DOK6: variants seen among roughly 807,000 people sequenced by gnomAD.
DOK6 encodes the protein docking protein 6.
DOK6 carries 22 observed loss-of-function variants against 44.0 expected under a neutral mutation model. That is an observed-to-expected ratio of 0.50 (90% CI 0.36 to 0.71). DOK6 has a LOEUF of 0.71. Ranked by LOEUF, DOK6 falls within the 30% of genes least tolerant of loss-of-function variation. DOK6 has a pLI of 0.00. For missense variants in DOK6, 340 were observed against 416.4 expected, an observed-to-expected ratio of 0.82 and a Z score of 1.60; for synonymous variants, 166 against 145.5, an observed-to-expected ratio of 1.14 and a Z score of -1.01.
chr18:69,668,220 C>T (rs1483431266), intron 3 of DOK6, among the ~76,000 whole-genome samples: 1 of 151,926 alleles, frequency 6.6e-6, no homozygotes, highest in African/African-American at 2.4e-5. Flanking sequence ...TCCTAGTTAC[C>T]ATTCCTCTTC....
intron 5 of DOK6, among the ~76,000 whole-genome samples, chr18:69,707,098 G>C (rs183388216): frequency 2.0e-5 from 3 of 152,278 alleles, no homozygotes; most frequent in African/African-American, 7.2e-5. Context: ...GCTTCAAACA[G>C]AATAAAATAC....
At chr18:69,568,564 A>G (rs1799087741) in intron 2 of DOK6, among the ~76,000 whole-genome samples, 1 of 152,214 alleles carries the variant, frequency 6.6e-6, no homozygotes, top group Admixed American at 6.5e-5. Flanking sequence ...TGGCCATGGC[A>G]ATGGGATGAC....
chr18:69,720,143 T>G (rs1265901539), intron 5 of DOK6, among the ~76,000 whole-genome samples: 2 of 152,050 alleles, frequency 1.3e-5, no homozygotes, highest in African/African-American at 2.4e-5. Context: ...GAGCCCAGAT[T>G]GTGCCACTGC....
chr18:69,733,379 T>A (rs1236380925), intron 5 of DOK6, among the ~76,000 whole-genome samples: 1 of 152,200 alleles, frequency 6.6e-6, no homozygotes, highest in African/African-American at 2.4e-5. Context: ...CATGCAAAGA[T>A]GCATATAAAT....
At chr18:69,482,400 G>A (rs1396443043) in intron 1 of DOK6, among the ~76,000 whole-genome samples, 1 of 150,490 alleles carries the variant, frequency 6.6e-6, no homozygotes, top group Non-Finnish European at 1.5e-5. Flanking sequence ...ACTAGAGAGG[G>A]GTTCATCCAA....
chr18:69,514,271 C>A, intron 1 of DOK6, among the ~76,000 whole-genome samples: 1 of 151,250 alleles, frequency 6.6e-6, no homozygotes. Flanking sequence ...GAAAGGGAAA[C>A]AAGAAAAAAG....
At chr18:69,487,723 C>A (rs1980623517) in intron 1 of DOK6, among the ~76,000 whole-genome samples, 1 of 152,294 alleles carries the variant, frequency 6.6e-6, no homozygotes, top group African/African-American at 2.4e-5. Context: ...GACTCTGGAT[C>A]TCCAATTCTA....
chr18:69,540,332 T>A (rs1224656078), intron 1 of DOK6, among the ~76,000 whole-genome samples: 3 of 152,236 alleles, frequency 2.0e-5, no homozygotes, highest in Non-Finnish European at 4.4e-5. Context: ...TTTTAATTAT[T>A]GAGGCATTAT....
Position 69,847,735 on chromosome 18 carries a change from T to C in DOK6, c.*6352T>C, listed in dbSNP as rs1319816600. On this transcript the variant is annotated 3_prime_UTR_variant, in exon 8 of 8. Coordinates refer to ENST00000382713, the MANE Select transcript of DOK6 (RefSeq NM_152721.6). The stretch of plus-strand genomic sequence containing the variant: ...AATTCAGATTCACATGTATAGTGCA[T>C]AGTTCAAGAAATAATGCTTACTCTT... 1 of 147,788 alleles carries C rather than the reference T, an allele frequency of 6.8e-6. No homozygotes were observed. Among genetic ancestry groups the C allele is most frequent in the East Asian group, 2.0e-4 (1 of 5,014 alleles). The allele number at this position is 147,788 out of a possible 1,614,324, so 9.2% of individuals were successfully genotyped here. A position where few individuals can be genotyped will look rare whatever the true frequency, so the allele number is the denominator to read the frequency against.
chr18:69,573,962 G>T (rs982408326), intron 2 of DOK6, among the ~76,000 whole-genome samples: 2 of 151,862 alleles, frequency 1.3e-5, no homozygotes, highest in Non-Finnish European at 2.9e-5. Context: ...CCATCAATAG[G>T]AATATATGCA....
intron 1 of DOK6, among the ~76,000 whole-genome samples, chr18:69,458,481 C>T (rs62096615): frequency 0.18 from 26,867 of 152,020 alleles, 2,827 homozygotes; most frequent in South Asian, 0.31. Flanking sequence ...TTCGAGGATA[C>T]AAAGTAAGGA....
chr18:69,490,211 C>T (rs553273403), intron 1 of DOK6, among the ~76,000 whole-genome samples: 32 of 152,260 alleles, frequency 2.1e-4, no homozygotes, highest in Non-Finnish European at 4.0e-4. Flanking sequence ...CTGACTTCTT[C>T]TCAGTGGTGA....
chr18:69,521,052 T>A (rs899441336), intron 1 of DOK6, among the ~76,000 whole-genome samples: 1 of 151,932 alleles, frequency 6.6e-6, no homozygotes, highest in Non-Finnish European at 1.5e-5. Flanking sequence ...GAATGCTTAG[T>A]CTTTAACAGG....
chr18:69,621,430 CCTT>C (rs1232470840), intron 3 of DOK6, among the ~76,000 whole-genome samples: 2 of 152,066 alleles, frequency 1.3e-5, no homozygotes, highest in African/African-American at 4.8e-5. Context: ...ATTTCCTTCT[CCTT>C]CTCTTTTAAA....
At chr18:69,667,470 T>C (rs1985689364) in intron 3 of DOK6, among the ~76,000 whole-genome samples, 1 of 152,152 alleles carries the variant, frequency 6.6e-6, no homozygotes, top group African/African-American at 2.4e-5. Context: ...AAACTTTCCT[T>C]ATTAAGGGAG....
chr18:69,421,215 G>T (rs1479658650), intron 1 of DOK6, among the ~76,000 whole-genome samples: 1 of 152,118 alleles, frequency 6.6e-6, no homozygotes. Flanking sequence ...TTGATAATGT[G>T]ATTTTATGAC....
chr18:69,583,863 C>T (rs559008530), intron 2 of DOK6, among the ~76,000 whole-genome samples: 89 of 152,188 alleles, frequency 5.8e-4, no homozygotes, highest in African/African-American at 2.1e-3. Flanking sequence ...AATCCCAGCA[C>T]TTTGGGAGAC....
chr18:69,476,974 G>A lies in DOK6; in HGVS notation c.66+75664G>A, dbSNP rs6566426. On this transcript the variant is annotated intron_variant, in intron 1 of 7. Transcript: ENST00000382713. ...ACACAGTAAAAGGTTGCTTGGATTA[G>A]TCAGGTGATATATGATTTGCCTGAA... Among the ~76,000 whole-genome samples, 29 of 152,322 alleles carry A rather than the reference G, an allele frequency of 1.9e-4. 1 individual carries two copies. Among genetic ancestry groups the A allele is most frequent in the Admixed American group, 1.0e-3 (16 of 15,312 alleles).
chr18:69,521,898 T>C (rs1981696736), intron 1 of DOK6, among the ~76,000 whole-genome samples: 1 of 151,986 alleles, frequency 6.6e-6, no homozygotes, highest in African/African-American at 2.4e-5. Context: ...ACCCCATAAA[T>C]ATATACAATT....
Sources: allele counts gnomAD v4.1 joint callset (sites outside exome capture counted in the v4.1 genomes callset), GRCh38; gene constraint gnomAD v4.1.1; transcripts MANE v1.5; gene names NCBI Gene and HGNC (gene_info 2026-07-23, HGNC 2026-07-21).